Variants in PRIM2 observed in about 807,000 individuals in gnomAD.
PRIM2 encodes DNA primase large subunit.
In PRIM2, 39 loss-of-function variants were observed where a neutral mutation model predicts 67.3. That is an observed-to-expected ratio of 0.58 (90% confidence interval 0.45 to 0.76). The LOEUF is 0.76. Ranked by LOEUF, PRIM2 falls within the 30% of genes least tolerant of loss-of-function variation. The pLI is 0.00. For synonymous variants in PRIM2, 143 were observed against 198.7 expected (o/e 0.72, Z 2.36); for missense variants, 398 against 598.7 (o/e 0.66, Z 3.50).
At chr6:57,300,473 G>A in the PRIM2 span, among the ~76,000 whole-genome samples, 5 of 152,178 alleles carry the variant, frequency 3.3e-5, no homozygotes, top group South Asian at 4.2e-4. Context: ...GTGTGTGCAC[G>A]CATGTGTACA....
At chr6:57,438,085 T>C (rs1447640486) in intron 7 of PRIM2, among the ~76,000 whole-genome samples, 1 of 151,938 alleles carries the variant, frequency 6.6e-6, no homozygotes, top group Non-Finnish European at 1.5e-5. Context: ...AAATCAGTTT[T>C]CAACTTTGAA....
chr6:57,583,965 A>G (rs1225353190), intron 10 of PRIM2, among the ~76,000 whole-genome samples: 1 of 152,296 alleles, frequency 6.6e-6, no homozygotes, highest in Non-Finnish European at 1.5e-5. Flanking sequence ...AAGTCCAGGA[A>G]GAATCATCTT....
intron 5 of PRIM2, among the ~76,000 whole-genome samples, chr6:57,365,660 G>T (rs1237946202): frequency 6.6e-6 from 1 of 152,110 alleles, no homozygotes; most frequent in Admixed American, 6.6e-5. Context: ...AGGTATTGTG[G>T]TAAGAACTGG....
At chr6:57,513,790 C>G (rs1372852006) in intron 8 of PRIM2, among the ~76,000 whole-genome samples, 14 of 152,178 alleles carry the variant, frequency 9.2e-5, no homozygotes, top group Non-Finnish European at 1.3e-4. Flanking sequence ...AGGAGAATCA[C>G]TTGAACCTAG....
chr6:57,577,325 TC>T (rs1775981189), intron 10 of PRIM2, among the ~76,000 whole-genome samples: 1 of 152,180 alleles, frequency 6.6e-6, no homozygotes, highest in African/African-American at 2.4e-5. Context: ...AGTCTCAATT[TC>T]CTAGGCTGTA....
At chr6:57,641,489 A>G (rs1449242050) in intron 13 of PRIM2, among the ~76,000 whole-genome samples, 88 of 152,330 alleles carry the variant, frequency 5.8e-4, no homozygotes, top group African/African-American at 2.1e-3. Flanking sequence ...CAATCTATCC[A>G]TCTGACAAAG....
intron 12 of PRIM2, among the ~76,000 whole-genome samples, chr6:57,626,072 A>G (rs1278002158): frequency 6.6e-6 from 1 of 152,232 alleles, no homozygotes; most frequent in Non-Finnish European, 1.5e-5. Context: ...TTTAAATAAG[A>G]CAAAACATGA....
chr6:57,640,502 CA>C (rs1777211347), intron 13 of PRIM2, among the ~76,000 whole-genome samples: 1 of 152,128 alleles, frequency 6.6e-6, no homozygotes, highest in Non-Finnish European at 1.5e-5. Flanking sequence ...TATCTCAGCC[CA>C]AAAACTTCAC....
intron 5 of PRIM2, among the ~76,000 whole-genome samples, chr6:57,366,143 AAAT>A (rs1769351143): frequency 6.6e-6 from 1 of 152,126 alleles, no homozygotes; most frequent in Non-Finnish European, 1.5e-5. Flanking sequence ...ATGCCTAAGG[AAAT>A]CTGGTGCAAC....
intron 7 of PRIM2, among the ~76,000 whole-genome samples, chr6:57,480,990 T>A (rs1773611971): frequency 6.6e-6 from 1 of 152,200 alleles, no homozygotes. Context: ...TTTAACTTTT[T>A]AAAAAATTTT....
Position 57,646,179 on chromosome 6 carries a change from C to T in PRIM2, c.*21C>T, listed in dbSNP as rs1777331782. ...CTTAGGCAGTTTTATAACCCTTTTT[C>T]CTCAATAGCCTGTTTCCTGTTTTTA... On this transcript the variant is annotated 3_prime_UTR_variant, in exon 14 of 14. Transcript: ENST00000615550. 2.7e-6 allele frequency: 4 copies of T among 1,465,234 alleles called. No individual in the cohort carries two copies. The highest frequency in any genetic ancestry group is 3.8e-6 in the Non-Finnish European group (4 of 1,051,848). The allele number at this position is 1,465,234 out of a possible 1,614,324, so 90.8% of individuals were successfully genotyped here.
At chr6:57,519,531 G>T (rs1262490609) in intron 8 of PRIM2, among the ~76,000 whole-genome samples, 1 of 152,180 alleles carries the variant, frequency 6.6e-6, no homozygotes. Flanking sequence ...GCTCTGTTCC[G>T]CCCGGCTCAC....
At chr6:57,230,330 T>C in the PRIM2 span, among the ~76,000 whole-genome samples, 2 of 152,210 alleles carry the variant, frequency 1.3e-5, no homozygotes, top group Non-Finnish European at 2.9e-5. Context: ...GACCAGGACA[T>C]CTCTTCAATC....
the PRIM2 span, among the ~76,000 whole-genome samples, chr6:57,273,809 T>C: frequency 6.6e-6 from 1 of 152,210 alleles, no homozygotes; most frequent in African/African-American, 2.4e-5. Flanking sequence ...GTTTTTGGTG[T>C]GGATGTCCTT....
At chr6:57,225,849 G>C in the PRIM2 span, among the ~76,000 whole-genome samples, 1 of 152,172 alleles carries the variant, frequency 6.6e-6, no homozygotes, top group Non-Finnish European at 1.5e-5. Context: ...GAAAAAACTA[G>C]TAGAAATCAC....
intron 7 of PRIM2, among the ~76,000 whole-genome samples, chr6:57,422,182 T>A (rs1771489744): frequency 6.7e-6 from 1 of 149,230 alleles, no homozygotes. Context: ...TGAGATGGAG[T>A]CTCTCTCAGT....
chr6:57,362,895 A>G (rs1275919607), intron 5 of PRIM2, among the ~76,000 whole-genome samples: 1 of 152,142 alleles, frequency 6.6e-6, no homozygotes, highest in Non-Finnish European at 1.5e-5. Context: ...AATTAAAGAA[A>G]CGGTTGCAAA....
intron 7 of PRIM2, among the ~76,000 whole-genome samples, chr6:57,479,043 G>A (rs1473266585): frequency 9.2e-5 from 14 of 152,210 alleles, no homozygotes. Context: ...CTACTTGGGA[G>A]GCTGAGGCAG....
chr6:57,321,148 G>A (rs1767642178), intron 3 of PRIM2, among the ~76,000 whole-genome samples: 1 of 152,202 alleles, frequency 6.6e-6, no homozygotes, highest in African/African-American at 2.4e-5. Context: ...AAGGGGACCG[G>A]TTGAAGAGAC....
Sources: allele counts gnomAD v4.1 joint callset (sites outside exome capture counted in the v4.1 genomes callset), GRCh38; gene constraint gnomAD v4.1.1; transcripts MANE v1.5; gene names NCBI Gene and HGNC (gene_info 2026-07-23, HGNC 2026-07-21).